Variants in TASOR observed in about 807,000 individuals in gnomAD.
TASOR encodes the protein protein TASOR.
In TASOR, 53 loss-of-function variants were observed where a neutral mutation model predicts 178.6. The observed-to-expected ratio is 0.30, with a 90% CI of 0.24 to 0.37. TASOR has a LOEUF of 0.37. Among genes scored for constraint, TASOR ranks in the 10% least tolerant of loss-of-function variants. The probability of loss-of-function intolerance (pLI) is 1.00; values close to 1 mark genes in which losing one functional copy is unlikely to be tolerated. For missense variants in TASOR, 1,815 were observed against 1,971.4 expected, an observed-to-expected ratio of 0.92 and a Z score of 1.50; for synonymous variants, 713 against 696.2, an observed-to-expected ratio of 1.02 and a Z score of -0.38.
At chr3:56,648,570 G>T (rs541671481) in intron 13 of TASOR, among the ~76,000 whole-genome samples, 2 of 147,846 alleles carry the variant, frequency 1.4e-5, no homozygotes, top group South Asian at 4.3e-4. Context: ...GGTGGAGGTC[G>T]CAGTGAGCTG....
chr3:56,652,156 G>C (rs1476664835), intron 11 of TASOR, among the ~76,000 whole-genome samples: 1 of 152,184 alleles, frequency 6.6e-6, no homozygotes, highest in African/African-American at 2.4e-5. Context: ...TAGATTAATG[G>C]CTGTTAGGGA....
Position 56,673,527 on chromosome 3 carries a change from G to A in TASOR, c.477+53C>T, listed in dbSNP as rs11130539. Reference sequence around the variant, plus strand: ...TTTCTAGAGAACATTTTTTTCCCAGGCTGTTAACTGGTTCTGAAAACAATC... The same window carrying A: ...TTTCTAGAGAACATTTTTTTCCCAGACTGTTAACTGGTTCTGAAAACAATC... On this transcript the variant is annotated intron_variant, in intron 2 of 23. Transcript: ENST00000683822. 1.4e-5 allele frequency: 19 copies of A among 1,338,146 alleles called. No individual in the cohort carries two copies. The African/African-American group carries it at 2.0e-4, about 14-fold the overall frequency. 82.9% of individuals were successfully genotyped at this position (1,338,146 alleles called of 1,614,324 possible). A position where few individuals can be genotyped will look rare whatever the true frequency, so the allele number is the denominator to read the frequency against.
chr3:56,632,325 A>T (rs1015414471), intron 18 of TASOR, among the ~76,000 whole-genome samples: 3 of 152,066 alleles, frequency 2.0e-5, no homozygotes, highest in Non-Finnish European at 2.9e-5. Context: ...ACAAAAAAAA[A>T]TTAGCCAGGC....
chr3:56,679,431 G>C (rs1161327520), intron 1 of TASOR, among the ~76,000 whole-genome samples: 1 of 152,168 alleles, frequency 6.6e-6, no homozygotes, highest in Non-Finnish European at 1.5e-5. Context: ...ATTATGTATG[G>C]AGAGAGCTAT....
chr3:56,672,230 T>C (rs2030806853), intron 2 of TASOR, among the ~76,000 whole-genome samples: 1 of 152,214 alleles, frequency 6.6e-6, no homozygotes, highest in African/African-American at 2.4e-5. Flanking sequence ...ATCTATAAAA[T>C]AGATATGCAT....
chr3:56,639,005 T>C (rs773348434), intron 16 of TASOR, among the ~76,000 whole-genome samples: 1 of 152,338 alleles, frequency 6.6e-6, no homozygotes, highest in East Asian at 1.9e-4. Context: ...TTATATCAAC[T>C]ACTTCTTTTG....
At chr3:56,649,482 A>G (rs1037516043) in intron 11 of TASOR, among the ~76,000 whole-genome samples, 1 of 152,210 alleles carries the variant, frequency 6.6e-6, no homozygotes, top group Admixed American at 6.5e-5. Flanking sequence ...TCACAAACCC[A>G]ATGTGTTGCC....
intron 9 of TASOR, among the ~76,000 whole-genome samples, chr3:56,662,106 A>C (rs1327270644): frequency 6.7e-6 from 1 of 150,302 alleles, no homozygotes; most frequent in Non-Finnish European, 1.5e-5. Context: ...CTCTAGACTG[A>C]GTGACAAGAG....
chr3:56,646,634 T>C lies in TASOR; in HGVS notation c.2103A>G (p.Thr701=), dbSNP rs763635216. 5 of 1,613,494 alleles carry C rather than the reference T, an allele frequency of 3.1e-6. No homozygotes were observed. The African/African-American group carries it at 6.7e-5, about 22-fold the overall frequency. ...RKKSVGGDSD[T]EDMRSKTVLK... ...AGACAGTTTTGCTTCTCATATCTTC[T>C]GTGTCTGAGTCCCCACCCACACTCT... is the stretch of plus-strand genomic sequence containing the variant. Residue 701 remains threonine, a synonymous_variant, in exon 14 of 24, where the codon ACA becomes ACG. Coordinates refer to ENST00000683822, the MANE Select transcript of TASOR (RefSeq NM_001365635.2).
At chr3:56,653,561 A>G (rs1380861739) in intron 11 of TASOR, among the ~76,000 whole-genome samples, 1 of 152,132 alleles carries the variant, frequency 6.6e-6, no homozygotes, top group Non-Finnish European at 1.5e-5. Flanking sequence ...AAGACACTGC[A>G]GCATAGTCAA....
intron 18 of TASOR, among the ~76,000 whole-genome samples, chr3:56,631,044 A>T (rs986829358): frequency 1.3e-5 from 2 of 152,092 alleles, no homozygotes; most frequent in African/African-American, 4.8e-5. Flanking sequence ...CCCAAAGAGT[A>T]CTGTGCTAGG....
intron 11 of TASOR, 77 bp downstream of exon 11, chr3:56,660,654 G>A: frequency 8.8e-7 from 1 of 1,140,120 alleles, no homozygotes; most frequent in Non-Finnish European, 1.3e-6. Flanking sequence ...AAAATAAACT[G>A]AAACACTAAT....
At chr3:56,671,823 T>C (rs2030769519) in intron 2 of TASOR, 131 bp from the exon 3 acceptor site, 1 of 557,320 alleles carries the variant, frequency 1.8e-6, no homozygotes, top group Non-Finnish European at 3.0e-6. Context: ...CTCTATACTC[T>C]CTGTCCTTCA....
At chr3:56,634,240 T>C (rs1233127800) in intron 17 of TASOR, among the ~76,000 whole-genome samples, 2 of 152,212 alleles carry the variant, frequency 1.3e-5, no homozygotes, top group East Asian at 3.8e-4. Context: ...ATTAAGTCAT[T>C]TGCTTGTTTC....
At chr3:56,627,187 T>A in intron 20 of TASOR, 42 bp from the exon 21 acceptor site, 1 of 1,147,868 alleles carries the variant, frequency 8.7e-7, no homozygotes, top group Non-Finnish European at 1.3e-6. Context: ...CAATAAATAA[T>A]CATTCCATAA....
At chr3:56,634,018 G>A in intron 17 of TASOR, 52 bp from the exon 18 acceptor site, 1 of 1,396,698 alleles carries the variant, frequency 7.2e-7, no homozygotes, top group Non-Finnish European at 9.5e-7. Flanking sequence ...GATAAGATAT[G>A]AAAACACAAA....
chr3:56,635,757 A>G (rs2077003758), intron 17 of TASOR, among the ~76,000 whole-genome samples: 1 of 152,180 alleles, frequency 6.6e-6, no homozygotes, highest in African/African-American at 2.4e-5. Flanking sequence ...TTACAGGTAC[A>G]TACCACCACA....
At chr3:56,651,097 G>A (rs1008570860) in intron 11 of TASOR, among the ~76,000 whole-genome samples, 1 of 151,962 alleles carries the variant, frequency 6.6e-6, no homozygotes, top group Non-Finnish European at 1.5e-5. Flanking sequence ...AATGTTTCCA[G>A]AAATCCATGG....
chr3:56,628,753 G>A (rs2076847944), intron 18 of TASOR, 139 bp from the exon 19 acceptor site: 1 of 571,856 alleles, frequency 1.7e-6, no homozygotes. Context: ...CACTCTAAGA[G>A]ACCATCAAAT....
Sources: gnomAD v4.1 joint callset for allele counts (sites outside exome capture counted in the v4.1 genomes callset) on GRCh38, gnomAD v4.1.1 for gene constraint, MANE v1.5 for transcripts, NCBI Gene and HGNC (gene_info 2026-07-23, HGNC 2026-07-21) for gene names.